Variants in TUSC3 observed in about 807,000 individuals in gnomAD.
TUSC3 encodes the protein dolichyl-diphosphooligosaccharide--protein glycosyltransferase subunit TUSC3.
In TUSC3, 45 loss-of-function variants were observed where a neutral mutation model predicts 44.8. The observed-to-expected ratio is 1.00, with a 90% CI of 0.79 to 1.29. TUSC3 has a LOEUF of 1.29. TUSC3 is among the 50% of genes most tolerant of loss of function. TUSC3 has a pLI of 0.00. For missense variants in TUSC3, 519 were observed against 437.9 expected (o/e 1.19, Z -1.65); for synonymous variants, 212 against 152.9 (o/e 1.39, Z -2.85).
chr8:15,688,254 A>G (rs1206552511), intron 6 of TUSC3, among the ~76,000 whole-genome samples: 1 of 152,156 alleles, frequency 6.6e-6, no homozygotes, highest in Non-Finnish European at 1.5e-5. Flanking sequence ...TTTCTCATTT[A>G]TAACTCTACA....
At chr8:15,554,165 C>T (rs528361685) in intron 1 of TUSC3, among the ~76,000 whole-genome samples, 5,414 of 151,722 alleles carry the variant, frequency 0.036, 237 homozygotes, top group Non-Finnish European at 0.051. Flanking sequence ...CTCTTCAAAC[C>T]CCACCTTCCT....
At chr8:15,797,091 C>T in the TUSC3 span, among the ~76,000 whole-genome samples, 4 of 152,234 alleles carry the variant, frequency 2.6e-5, no homozygotes, top group South Asian at 4.2e-4. Flanking sequence ...TGGGCACCTC[C>T]GAATGGAGGC....
chr8:15,462,428 A>G (rs10093209), intron 1 of TUSC3, among the ~76,000 whole-genome samples: 39,148 of 151,880 alleles, frequency 0.26, 5,220 homozygotes, highest in East Asian at 0.4. Flanking sequence ...GTAAACTGAC[A>G]CTCATAGACT....
At chr8:15,737,842 G>T (rs1253221011) in intron 7 of TUSC3, among the ~76,000 whole-genome samples, 2 of 152,066 alleles carry the variant, frequency 1.3e-5, no homozygotes, top group Non-Finnish European at 2.9e-5. Context: ...TGATCATCTA[G>T]CTTCTTCCTG....
intron 6 of TUSC3, among the ~76,000 whole-genome samples, chr8:15,729,079 T>A (rs1810610625): frequency 6.6e-6 from 1 of 152,128 alleles, no homozygotes; most frequent in East Asian, 1.9e-4. Context: ...AGATTATAAA[T>A]CACTCACCTA....
intron 2 of TUSC3, among the ~76,000 whole-genome samples, chr8:15,529,431 T>A (rs766199656): frequency 1.3e-5 from 2 of 152,186 alleles, no homozygotes; most frequent in Non-Finnish European, 2.9e-5. Flanking sequence ...AATACTTTAA[T>A]TACTGTTGAT....
chr8:15,482,288 G>A (rs1800673118), intron 1 of TUSC3, among the ~76,000 whole-genome samples: 1 of 152,124 alleles, frequency 6.6e-6, no homozygotes, highest in African/African-American at 2.4e-5. Context: ...ATGTGTGAGG[G>A]TTGGAATCAA....
chr8:15,459,842 G>T lies in TUSC3; in HGVS notation n.92-23544G>T, dbSNP rs890439599. Among the ~76,000 whole-genome samples the T allele has an allele frequency of 4.1e-5, 6 of 148,060 alleles. No individual in the cohort carries two copies. The Middle Eastern group carries it at 0.01, about 255-fold the overall frequency. On this transcript the variant is annotated intron_variant and non_coding_transcript_variant, in intron 1 of 5. Coordinates refer to the TUSC3 transcript ENST00000503191. ...TAAGTAGTATTCCATTTGTGTGTGT[G>T]TGTGTGTGTGTGTATGTGTGTGTGT...
At chr8:15,524,358 G>C (rs60085689) in intron 2 of TUSC3, among the ~76,000 whole-genome samples, 4,543 of 152,114 alleles carry the variant, frequency 0.03, 230 homozygotes, top group African/African-American at 0.1. Flanking sequence ...CACTCACCAT[G>C]TCTAATGGAA....
At chr8:15,691,907 A>G (rs1808917839) in intron 6 of TUSC3, among the ~76,000 whole-genome samples, 1 of 152,118 alleles carries the variant, frequency 6.6e-6, no homozygotes, top group South Asian at 2.1e-4. Context: ...GCCTCACCCA[A>G]GTAACTGGGA....
chr8:15,687,395 G>C (rs1418828676), intron 6 of TUSC3, among the ~76,000 whole-genome samples: 3 of 152,114 alleles, frequency 2.0e-5, no homozygotes, highest in Non-Finnish European at 2.9e-5. Flanking sequence ...CAGCACCATG[G>C]TCATTTTATG....
chr8:15,717,382 G>A (rs979280023), intron 6 of TUSC3, among the ~76,000 whole-genome samples: 2 of 152,050 alleles, frequency 1.3e-5, no homozygotes, highest in Admixed American at 6.6e-5. Flanking sequence ...TTGTTTGAGA[G>A]TAACGAAGAG....
intron 2 of TUSC3, among the ~76,000 whole-genome samples, chr8:15,486,100 T>C (rs1037556423): frequency 3.3e-5 from 5 of 152,302 alleles, no homozygotes; most frequent in Admixed American, 2.0e-4. Flanking sequence ...GCTTACTCTG[T>C]TGTCTTTAAG....
chr8:15,745,903 T>C (rs533592605), intron 8 of TUSC3, among the ~76,000 whole-genome samples: 2 of 152,142 alleles, frequency 1.3e-5, no homozygotes, highest in Non-Finnish European at 2.9e-5. Flanking sequence ...TCTAGGATTT[T>C]TAAAGTTTTA....
intron 2 of TUSC3, among the ~76,000 whole-genome samples, chr8:15,486,749 C>A (rs1319554451): frequency 6.6e-6 from 1 of 152,116 alleles, no homozygotes; most frequent in African/African-American, 2.4e-5. Flanking sequence ...GGCCTCCTCT[C>A]CCACAATTTT....
chr8:15,819,931 T>C, the TUSC3 span, among the ~76,000 whole-genome samples: 7 of 152,318 alleles, frequency 4.6e-5, no homozygotes, highest in African/African-American at 1.4e-4. Context: ...GTTAGTCATA[T>C]GGTCTAATCT....
At chr8:15,646,380 G>A (rs1480635597) in intron 2 of TUSC3, among the ~76,000 whole-genome samples, 1 of 152,070 alleles carries the variant, frequency 6.6e-6, no homozygotes, top group African/African-American at 2.4e-5. Flanking sequence ...CATTATGTAC[G>A]TAGTGGGGAA....
intron 1 of TUSC3, among the ~76,000 whole-genome samples, chr8:15,544,477 A>G (rs1801797742): frequency 1.3e-5 from 2 of 151,840 alleles, no homozygotes; most frequent in Admixed American, 6.6e-5. Flanking sequence ...TGAATATGCA[A>G]TATGAAAAAT....
chr8:15,626,211 C>T (rs528562664), intron 2 of TUSC3, among the ~76,000 whole-genome samples: 1 of 152,326 alleles, frequency 6.6e-6, no homozygotes, highest in South Asian at 2.1e-4. Context: ...ACTCCAGACC[C>T]TGTCCCTGGT....
Sources: allele counts gnomAD v4.1 joint callset (sites outside exome capture counted in the v4.1 genomes callset), GRCh38; gene constraint gnomAD v4.1.1; transcripts MANE v1.5; gene names NCBI Gene and HGNC (gene_info 2026-07-23, HGNC 2026-07-21).